Variants in BSN observed in about 807,000 individuals in gnomAD.
BSN encodes the protein bassoon presynaptic cytomatrix protein, also known as protein bassoon.
A neutral mutation model predicts 264.8 loss-of-function variants in BSN; 57 were observed. The observed-to-expected ratio is 0.22, with a 90% CI of 0.17 to 0.27. The LOEUF (loss-of-function observed/expected upper bound fraction) is 0.27. Ranked by LOEUF, BSN falls within the 10% of genes least tolerant of loss-of-function variation. The pLI is 1.00. For missense variants in BSN, 4,615 were observed against 5,232.5 expected (o/e 0.88, Z 3.64); for synonymous variants, 2,059 against 2,137.3 (o/e 0.96, Z 1.01).
chr3:49,672,025 C>CT (rs34710169), downstream of BSN, among the ~76,000 whole-genome samples: 49,368 of 100,382 alleles, frequency 0.49, 13,707 homozygotes, highest in East Asian at 0.81. Flanking sequence ...GTTGCTAGAC[C>CT]TTTTTTTTTT....
chr3:49,594,177 G>A (rs1385094449), intron 1 of BSN, among the ~76,000 whole-genome samples: 1 of 152,058 alleles, frequency 6.6e-6, no homozygotes, highest in Admixed American at 6.6e-5. Context: ...CTTTTCACAT[G>A]GGCTTTAACA....
chr3:49,595,261 C>A (rs1269764386), intron 1 of BSN, among the ~76,000 whole-genome samples: 2 of 149,028 alleles, frequency 1.3e-5, no homozygotes, highest in African/African-American at 5.0e-5. Context: ...GGCACGATCT[C>A]GGCTCACTGC....
At position 49,655,774 on chromosome 3, in the gene BSN, A is replaced by T; in HGVS notation, c.6218A>T (p.Tyr2073Phe). Residue 2073 changes from tyrosine to phenylalanine, a missense_variant, in exon 5 of 12, where the codon TAC (tyrosine) becomes TTC (phenylalanine). Physicochemically the swap from Tyr to Phe is conservative, Grantham distance 22. Around this residue, in one of 3 missense-constraint regions of BSN, gnomAD observed 3,415 missense variants for 3,866.4 expected, o/e 0.88. Coordinates refer to ENST00000296452, the MANE Select transcript of BSN (RefSeq NM_003458.4). ...TCGAACATCTACTCAGACCACAGGT[A>T]CGGCCCACGGGGAGATGCAGTTGGC... Reference protein sequence around the residue: ...SVSNIYSDHRYGPRGDAVGFQ... With the variant: ...SVSNIYSDHRFGPRGDAVGFQ... The T allele has an allele frequency of 1.2e-6, 2 of 1,613,456 alleles. No individual in the cohort carries two copies. The highest frequency in any genetic ancestry group is 8.5e-7 in the Non-Finnish European group (1 of 1,180,036).
intron 1 of BSN, among the ~76,000 whole-genome samples, chr3:49,601,194 G>T (rs956980058): frequency 6.6e-6 from 1 of 152,190 alleles, no homozygotes; most frequent in Admixed American, 6.5e-5. Context: ...AGGAAGGCAA[G>T]TAGGGAGTGC....
chr3:49,616,114 A>G (rs1401833153), intron 1 of BSN, among the ~76,000 whole-genome samples: 2 of 152,210 alleles, frequency 1.3e-5, no homozygotes, highest in African/African-American at 4.8e-5. Flanking sequence ...TGTTGTATTG[A>G]TAGAGGCACA....
chr3:49,650,784 C>T lies in BSN; in HGVS notation c.1691C>T (p.Pro564Leu), dbSNP rs1215468337. ...KQKGPQGLGQ[P>L]SGPLPAKASP... ...AAAGGGCCACAGGGGCTGGGCCAGC[C>T]TTCAGGCCCCCTGCCTGCCAAGGCC... Residue 564 changes from proline (P) to leucine (L), a missense_variant, in exon 4 of 12, where the codon CCT (proline) becomes CTT (leucine). By Grantham distance (98) the Pro-to-Leu change is moderately conservative. Coordinates refer to ENST00000296452, the MANE Select transcript of BSN (RefSeq NM_003458.4). The T allele has an allele frequency of 6.2e-7, 1 of 1,613,746 alleles. No individual in the cohort carries two copies. Among genetic ancestry groups the T allele is most frequent in the South Asian group, 1.1e-5 (1 of 91,088 alleles).
At position 49,670,010 on chromosome 3, in the gene BSN, G is replaced by A. The variant is rs1255437863; in HGVS notation, c.*2525G>A. 6.5e-6 allele frequency: 1 copy of A among 152,718 alleles called. No individual in the cohort carries two copies. The highest frequency in any genetic ancestry group is 1.5e-5 in the Non-Finnish European group (1 of 68,084). The allele number at this position is 152,718 out of a possible 1,614,324, so 9.5% of individuals were successfully genotyped here. A position where few individuals can be genotyped will look rare whatever the true frequency, so the allele number is the denominator to read the frequency against. ...CCGCATTTCTCATGCTTTTCTATAA[G>A]ATCTACACACCCCTTCAGAGAGGGC... On this transcript the variant is annotated 3_prime_UTR_variant, in exon 12 of 12. Transcript: ENST00000296452.
chr3:49,651,969 G>A lies in BSN; in HGVS notation c.2413G>A (p.Asp805Asn), dbSNP rs767558019. The stretch of plus-strand genomic sequence containing the variant: ...GCAGGACACTGCCGAGTCCTCAGAC[G>A]ACTTTGGCAGCCAATTGAGGCACGA... ...EQQDTAESSD[D>N]FGSQLRHDYV... is the part of the protein sequence containing the mutation. The change falls in exon 5 of 12, where the codon GAC (aspartate) becomes AAC (asparagine). Residue 805 changes from aspartate to asparagine, a missense_variant. Asp to Asn is a conservative substitution (Grantham distance 23, BLOSUM62 1). Coordinates refer to ENST00000296452, the MANE Select transcript of BSN (RefSeq NM_003458.4). This position sits in a 1 kb window ranked among gnomAD's most constrained non-coding sequence, Gnocchi z 5.4. 4.1e-5 allele frequency: 66 copies of A among 1,613,240 alleles called. No homozygotes were observed. The highest frequency in any genetic ancestry group is 1.2e-4 in the Admixed American group (7 of 59,974).
chr3:49,662,137 T>C lies in BSN; in HGVS notation c.10292T>C (p.Val3431Ala), dbSNP rs749864104. The C allele has an allele frequency of 6.2e-7, 1 of 1,613,464 alleles. No homozygotes were observed. The highest frequency in any genetic ancestry group is 8.5e-7 in the Non-Finnish European group (1 of 1,180,018). The change falls in exon 6 of 12, where the codon GTG becomes GCG. Residue 3431 changes from valine to alanine, a missense_variant. Physicochemically the swap from Val to Ala is moderately conservative, Grantham distance 64. Transcript: ENST00000296452. Reference protein sequence around the residue: ...KYYGMSSRDAVEDDRIYGGSS... With the variant: ...KYYGMSSRDAAEDDRIYGGSS... ...TATGGGATGTCCAGCCGGGACGCAG[T>C]GGAGGACGACCGCATTTATGGCGGG...
rs771292785 is a variant in BSN, at chr3:49,656,261, C to T, written c.6705C>T (p.Ala2235=). 1.6e-5 allele frequency: 26 copies of T among 1,612,458 alleles called. No homozygotes were observed. The highest frequency in any genetic ancestry group is 4.4e-5 in the South Asian group (4 of 90,868). Residue 2235 remains alanine, a synonymous_variant, in exon 5 of 12, where the codon GCC becomes GCT. Transcript: ENST00000296452. ...CTTACGCATCTGGTGGAATCACAGCCGTGCCACTCACCAGTCTGACACGTG... is the reference window on the plus strand; with the variant it reads ...CTTACGCATCTGGTGGAATCACAGCTGTGCCACTCACCAGTCTGACACGTG... ...YRPYASGGIT[A]VPLTSLTRVP... is the part of the protein sequence containing the mutation.
Position 49,656,023 on chromosome 3 carries a change from A to G in BSN, c.6467A>G (p.Glu2156Gly), listed in dbSNP as rs571034783. The G allele has an allele frequency of 6.2e-7, 1 of 1,601,942 alleles. No individual in the cohort carries two copies. Among genetic ancestry groups the G allele is most frequent in the Non-Finnish European group, 8.5e-7 (1 of 1,173,750 alleles). ...PGLLGNPTFP[E>G]GHPSPGNLAQ... ...CTCCTTGGTAACCCCACCTTTCCAGAGGGCCACCCAAGTCCTGGGAACTTG... is the reference window on the plus strand; with the variant it reads ...CTCCTTGGTAACCCCACCTTTCCAGGGGGCCACCCAAGTCCTGGGAACTTG... The change falls in exon 5 of 12, where the codon GAG (glutamate) becomes GGG (glycine). Residue 2156 changes from glutamate (E) to glycine (G), a missense_variant. This residue lies in a region of BSN where 3,415 missense variants were observed against 3,866.4 expected (regional missense o/e 0.88). Coordinates refer to ENST00000296452, the MANE Select transcript of BSN (RefSeq NM_003458.4).
At chr3:49,569,562 C>G (rs568148120) in intron 1 of BSN, among the ~76,000 whole-genome samples, 1 of 152,304 alleles carries the variant, frequency 6.6e-6, no homozygotes, top group South Asian at 2.1e-4. Context: ...GGTATAGTTC[C>G]TGACCTCTGG....
Position 49,651,217 on chromosome 3 carries a change from A to T in BSN, c.1986+138A>T. ...ACACAGGAGGGAAGGGACACAGTAG[A>T]AGGAAAGTCTAGATGAGGTTCTGGC... On this transcript the variant is annotated intron_variant, in intron 4 of 11. Transcript: ENST00000296452. The surrounding 1 kb of genome is among the most constrained non-coding windows in gnomAD (Gnocchi z 5.4). The T allele has an allele frequency of 1.1e-6, 1 of 872,180 alleles. No individual in the cohort carries two copies. The highest frequency in any genetic ancestry group is 1.7e-5 in the African/African-American group (1 of 58,904). The allele number at this position is 872,180 out of a possible 1,614,324, so 54.0% of individuals were successfully genotyped here. A position where few individuals can be genotyped will look rare whatever the true frequency, so the allele number is the denominator to read the frequency against.
At chr3:49,565,002 A>G (rs1453145859) in intron 1 of BSN, among the ~76,000 whole-genome samples, 1 of 151,952 alleles carries the variant, frequency 6.6e-6, no homozygotes, top group African/African-American at 2.4e-5. Context: ...AGGTAAAAAA[A>G]AAAAAGAAGA....
downstream of BSN, among the ~76,000 whole-genome samples, chr3:49,672,726 C>T (rs376638234): frequency 6.6e-6 from 1 of 151,750 alleles, no homozygotes; most frequent in Non-Finnish European, 1.5e-5. Flanking sequence ...GGTGATCCAC[C>T]CGCCTCAGCC....
In BSN at chr3:49,655,093, C is replaced by G. The variant is rs1468847099; in HGVS notation, c.5537C>G (p.Pro1846Arg). The G allele has an allele frequency of 1.2e-6, 2 of 1,612,850 alleles. No homozygotes were observed. Among genetic ancestry groups the G allele is most frequent in the Middle Eastern group, 1.7e-4 (1 of 6,058 alleles). ...GGTGCCGAGCCCCACCGGGCCACCC[C>G]TGCAGAGCTGCGGTCACATGCTCTG... ...EPGAEPHRAT[P>R]AELRSHALPG... is the part of the protein sequence containing the mutation. Residue 1846 changes from proline (P) to arginine (R), a missense_variant, in exon 5 of 12, where the codon CCT (proline) becomes CGT (arginine). Pro to Arg is a moderately radical substitution (Grantham distance 103). Around this residue, in one of 3 missense-constraint regions of BSN, gnomAD observed 3,415 missense variants for 3,866.4 expected, o/e 0.88. Transcript: ENST00000296452.
intron 1 of BSN, among the ~76,000 whole-genome samples, chr3:49,589,989 C>T (rs2051965903): frequency 6.6e-6 from 1 of 152,056 alleles, no homozygotes; most frequent in Non-Finnish European, 1.5e-5. Flanking sequence ...AGTCGTGTGC[C>T]ACCACGCCCA....
intron 1 of BSN, among the ~76,000 whole-genome samples, chr3:49,574,830 G>T (rs549695391): frequency 6.6e-6 from 1 of 151,722 alleles, no homozygotes; most frequent in African/African-American, 2.4e-5. Context: ...TAGAGATGGG[G>T]TTTCACCATG....
In BSN at chr3:49,661,295, A is replaced by G; in HGVS notation, c.9450A>G (p.Leu3150=). The part of the protein sequence containing the change: ...APLQKPRQTS[L]ADLEQKVPTN... ...TGCAGAAGCCACGCCAGACATCGCTAGCCGACTTGGAGCAGAAGGTGCCCA... is the reference window on the plus strand; with the variant it reads ...TGCAGAAGCCACGCCAGACATCGCTGGCCGACTTGGAGCAGAAGGTGCCCA... Residue 3150 remains leucine (L), a synonymous_variant, in exon 6 of 12, where the codon CTA becomes CTG. Transcript: ENST00000296452. The G allele has an allele frequency of 6.2e-7, 1 of 1,613,906 alleles. No homozygotes were observed. The highest frequency in any genetic ancestry group is 8.5e-7 in the Non-Finnish European group (1 of 1,180,048).
Sources: gnomAD v4.1 joint callset for allele counts (sites outside exome capture counted in the v4.1 genomes callset) on GRCh38, gnomAD v4.1.1 for gene constraint, gnomAD v4.1.1 regional missense constraint, Gnocchi (gnomAD v3.1) non-coding constraint, MANE v1.5 for transcripts, NCBI Gene and HGNC (gene_info 2026-07-23, HGNC 2026-07-21) for gene names.